NUP153: variants seen among roughly 807,000 people sequenced by gnomAD.
The protein encoded by NUP153 is nucleoporin 153.
In NUP153, 27 loss-of-function variants were observed where a neutral mutation model predicts 134.6. The ratio of observed to expected loss-of-function variants is 0.20; its 90% CI spans 0.15 to 0.28. The LOEUF (loss-of-function observed/expected upper bound fraction) is 0.28. NUP153 is among the 10% of genes least tolerant of loss of function. NUP153 has a pLI of 1.00. For synonymous variants in NUP153, 640 were observed against 623.5 expected (o/e 1.03, Z -0.40); for missense variants, 1,821 against 1,731.3 (o/e 1.05, Z -0.92).
intron 11 of NUP153, 57 bp from the exon 12 acceptor site, chr6:17,649,357 T>G: frequency 4.5e-5 from 68 of 1,500,458 alleles, no homozygotes; most frequent in Non-Finnish European, 5.4e-5. Context: ...CTTTTATCTC[T>G]ACTTATTTTC....
rs780970143 is a variant in NUP153 at position 17,629,382 on chromosome 6, A to T, written c.2817T>A (p.Asp939Glu). 5 of 1,614,014 alleles carry T rather than the reference A, an allele frequency of 3.1e-6. No homozygotes were observed. In the South Asian group the frequency reaches 5.5e-5, roughly 18 times the overall value. The change falls in exon 18 of 22, where the codon GAT becomes GAA. Residue 939 changes from aspartate to glutamate, a missense_variant. Coordinates refer to ENST00000262077, the MANE Select transcript of NUP153 (RefSeq NM_005124.4). ...QGGFKIGVSSDSGSINPMSEG... is the reference protein window; with the variant it reads ...QGGFKIGVSSESGSINPMSEG... ...CACTCATGGGGTTTATAGACCCAGA[A>T]TCGGATGACACACCTATTTTGAATC...
In NUP153 at chr6:17,706,680, C is replaced by T. The variant is rs1423876977; in HGVS notation, c.-293G>A. The T allele has an allele frequency of 6.3e-6, 3 of 477,270 alleles. No homozygotes were observed. In the Admixed American group the frequency reaches 1.1e-4, roughly 18 times the overall value. 29.6% of individuals were successfully genotyped at this position (477,270 alleles called of 1,614,324 possible). A position where few individuals can be genotyped will look rare whatever the true frequency, so the allele number is the denominator to read the frequency against. On this transcript the variant is annotated 5_prime_UTR_variant, in exon 1 of 22. Transcript: ENST00000262077. This position sits in a 1 kb window ranked among gnomAD's most constrained non-coding sequence, Gnocchi z 5.9. ...TGTGTCACGGTCTCTATGGAGATCT[C>T]CCGCAGAGGACAGCACGAACAGTTC... is the stretch of plus-strand genomic sequence containing the variant.
At chr6:17,657,113 T>G (rs1212846528) in intron 11 of NUP153, among the ~76,000 whole-genome samples, 1 of 152,208 alleles carries the variant, frequency 6.6e-6, no homozygotes, top group Non-Finnish European at 1.5e-5. Context: ...TTCTGAGATC[T>G]TCGGCTGAAG....
chr6:17,648,667 G>A lies in NUP153; in HGVS notation c.1533+496C>T, dbSNP rs55834304. On this transcript the variant is annotated intron_variant, in intron 12 of 21. Coordinates refer to ENST00000262077, the MANE Select transcript of NUP153 (RefSeq NM_005124.4). ...AAATTTTTTTAATTAGCTGGGTGTG[G>A]TGGTGTACACCTGTAGTCCCAGCTA... Among the ~76,000 whole-genome samples the A allele has an allele frequency of 4.6e-3, 698 of 152,064 alleles. 3 individuals carry two copies. The highest frequency in any genetic ancestry group is 0.016 in the African/African-American group (669 of 41,480).
At chr6:17,687,975 T>C (rs1769035835) in intron 2 of NUP153, among the ~76,000 whole-genome samples, 1 of 151,216 alleles carries the variant, frequency 6.6e-6, no homozygotes, top group African/African-American at 2.4e-5. Flanking sequence ...AAAAATTAGC[T>C]AGGTGTGGTG....
At chr6:17,673,266 G>A (rs1202921353) in intron 5 of NUP153, among the ~76,000 whole-genome samples, 1 of 152,124 alleles carries the variant, frequency 6.6e-6, no homozygotes, top group Non-Finnish European at 1.5e-5. Flanking sequence ...CTACTCAGGA[G>A]GCTGACGCAG....
At chr6:17,646,259 G>A (rs919404179) in intron 13 of NUP153, 105 bp from the exon 14 acceptor site, 5 of 533,900 alleles carry the variant, frequency 9.4e-6, no homozygotes, top group African/African-American at 4.0e-5. Context: ...CCAGGCTGGA[G>A]TGCAGTGGCG....
chr6:17,686,914 T>G (rs1179451253), intron 2 of NUP153, among the ~76,000 whole-genome samples: 83 of 117,122 alleles, frequency 7.1e-4, no homozygotes, highest in South Asian at 9.2e-4. Context: ...GGGCGGGGAG[T>G]GGGGGGTGTC....
rs941543418 is a variant in NUP153 at position 17,674,308 on chromosome 6, G to A, written c.852+597C>T. 2.6e-5 allele frequency among the ~76,000 whole-genome samples: 4 copies of A among 152,036 alleles called. No individual in the cohort carries two copies. In the East Asian group the frequency reaches 7.7e-4, roughly 29 times the overall value. On this transcript the variant is annotated intron_variant, in intron 5 of 21. Coordinates refer to ENST00000262077, the MANE Select transcript of NUP153 (RefSeq NM_005124.4). ...AAATACTCTAAAACAATGAAAAATTGTAGTATGTGTAATTTATACGTCATT... is the reference window on the plus strand; with the variant it reads ...AAATACTCTAAAACAATGAAAAATTATAGTATGTGTAATTTATACGTCATT...
intron 1 of NUP153, among the ~76,000 whole-genome samples, chr6:17,703,655 T>TAAA (rs57394467): frequency 2.8e-5 from 4 of 142,104 alleles, no homozygotes; most frequent in African/African-American, 1.0e-4. Context: ...TTTTTAAGAT[T>TAAA]AAAAAAAAAA....
intron 1 of NUP153, among the ~76,000 whole-genome samples, chr6:17,689,374 C>CA (rs1769141081): frequency 6.6e-6 from 1 of 150,854 alleles, no homozygotes; most frequent in African/African-American, 2.4e-5. Flanking sequence ...GCAACAAGGG[C>CA]AAAACTCCAT....
At position 17,677,415 on chromosome 6, in the gene NUP153, G is replaced by A. The variant is rs139713378; in HGVS notation, c.335-1645C>T. ...AGAAAACTGTGATCCATGCACGGGG[G>A]TAGGGGGTGGGGGAGAGTAGGTGTT... On this transcript the variant is annotated intron_variant, in intron 2 of 21. Coordinates refer to ENST00000262077, the MANE Select transcript of NUP153 (RefSeq NM_005124.4). Among the ~76,000 whole-genome samples the A allele has an allele frequency of 4.6e-4, 70 of 152,126 alleles. 1 individual carries two copies. The East Asian group carries it at 0.013, about 27-fold the overall frequency.
At chr6:17,655,169 T>C (rs1766740218) in intron 11 of NUP153, among the ~76,000 whole-genome samples, 1 of 152,188 alleles carries the variant, frequency 6.6e-6, no homozygotes, top group African/African-American at 2.4e-5. Flanking sequence ...GGTAGGACAG[T>C]AAAAGCAAAA....
chr6:17,624,379 T>C (rs1261096404), intron 20 of NUP153, among the ~76,000 whole-genome samples, 182 bp downstream of exon 20: 3 of 152,234 alleles, frequency 2.0e-5, no homozygotes, highest in Non-Finnish European at 4.4e-5. Context: ...TTAAAAAAGT[T>C]ACAAGTCTGT....
Position 17,661,792 on chromosome 6 carries a change from A to C in NUP153, c.1269-13T>G. On this transcript the variant is annotated splice_polypyrimidine_tract_variant and intron_variant, in intron 10 of 21. Coordinates refer to ENST00000262077, the MANE Select transcript of NUP153 (RefSeq NM_005124.4). ...ATATGAAAAGCCACTGGCAAATAAA[A>C]AGAAAATTAAAACAACTGATATATT... 6.2e-7 allele frequency: 1 copy of C among 1,607,812 alleles called. No homozygotes were observed. Among genetic ancestry groups the C allele is most frequent in the Non-Finnish European group, 8.5e-7 (1 of 1,177,764 alleles).
At chr6:17,688,264 T>G (rs1769061881) in intron 2 of NUP153, 132 bp downstream of exon 2, 3 of 641,692 alleles carry the variant, frequency 4.7e-6, no homozygotes, top group Admixed American at 3.0e-5. Flanking sequence ...ACATCCAATT[T>G]GAACCTGATT....
chr6:17,674,346 T>G (rs1382907951), intron 5 of NUP153, among the ~76,000 whole-genome samples: 2 of 152,042 alleles, frequency 1.3e-5, no homozygotes, highest in Non-Finnish European at 2.9e-5. Flanking sequence ...AAAAAAAGAA[T>G]CACATTTCTT....
At chr6:17,647,437 G>A (rs1766255975) in intron 13 of NUP153, among the ~76,000 whole-genome samples, 1 of 152,150 alleles carries the variant, frequency 6.6e-6, no homozygotes, top group Admixed American at 6.5e-5. Flanking sequence ...GGACAGTCTG[G>A]GGATAATGGG....
intron 14 of NUP153, among the ~76,000 whole-genome samples, chr6:17,643,765 G>C (rs577780770): frequency 1.3e-5 from 2 of 152,010 alleles, no homozygotes; most frequent in African/African-American, 4.8e-5. Context: ...ACTCTAAATA[G>C]GCCACTCATA....
Sources: allele counts gnomAD v4.1 joint callset (sites outside exome capture counted in the v4.1 genomes callset), GRCh38; gene constraint gnomAD v4.1.1; non-coding constraint Gnocchi (gnomAD v3.1); transcripts MANE v1.5; gene names NCBI Gene and HGNC (gene_info 2026-07-23, HGNC 2026-07-21).